The following SLC44A5 variants were observed in gnomAD, a reference collection of about 807,000 sequenced individuals.
The protein encoded by SLC44A5 is choline transporter-like protein 5.
Under a neutral mutation model 101.8 loss-of-function variants are expected in SLC44A5, and 57 were observed. The observed-to-expected ratio is 0.56, with a 90% CI of 0.45 to 0.70. SLC44A5 has a LOEUF of 0.70. Ranked by LOEUF, SLC44A5 falls within the 30% of genes least tolerant of loss-of-function variation. SLC44A5 has a pLI of 0.00. For missense variants in SLC44A5, 737 were observed against 853.1 expected, an observed-to-expected ratio of 0.86 and a Z score of 1.70; for synonymous variants, 281 against 290.9, an observed-to-expected ratio of 0.97 and a Z score of 0.35.
intron 2 of SLC44A5, among the ~76,000 whole-genome samples, chr1:75,424,101 G>C (rs1314713814): frequency 6.6e-6 from 1 of 152,154 alleles, no homozygotes; most frequent in Non-Finnish European, 1.5e-5. Flanking sequence ...CTTAAAGATT[G>C]TGGATAATTA....
chr1:75,462,302 G>A (rs553007445), intron 2 of SLC44A5, among the ~76,000 whole-genome samples: 38 of 152,302 alleles, frequency 2.5e-4, no homozygotes, highest in African/African-American at 8.4e-4. Flanking sequence ...ACCTCTACAC[G>A]TCTGCAAGAA....
rs531381915 is a variant in SLC44A5, at chr1:75,452,094, G to C, written c.14-55473C>G. 4.6e-5 allele frequency among the ~76,000 whole-genome samples: 7 copies of C among 152,220 alleles called. No homozygotes were observed. The South Asian group carries it at 1.2e-3, about 27-fold the overall frequency. ...AAAACAAACCCCACAAAGGTATATA[G>C]TCACCAGACTGTCAAAGGTCAATGC... On this transcript the variant is annotated intron_variant, in intron 2 of 23. Transcript: ENST00000370859.
At chr1:75,652,933 G>C in the SLC44A5 span, among the ~76,000 whole-genome samples, 16 of 152,158 alleles carry the variant, frequency 1.1e-4, no homozygotes, top group South Asian at 2.1e-4. Flanking sequence ...GGACAATTCT[G>C]ATATGAAATT....
chr1:75,355,530 A>T (rs899943466), intron 3 of SLC44A5, among the ~76,000 whole-genome samples: 2 of 152,234 alleles, frequency 1.3e-5, no homozygotes, highest in Non-Finnish European at 2.9e-5. Flanking sequence ...TTACTGTTAC[A>T]TATTAAGTGA....
chr1:75,339,658 C>A, intron 3 of SLC44A5, 28 bp from the exon 4 acceptor site: 1 of 1,575,488 alleles, frequency 6.3e-7, no homozygotes, highest in Non-Finnish European at 8.6e-7. Flanking sequence ...ACATTTTAAG[C>A]ATATAAGCCA....
intron 1 of SLC44A5, among the ~76,000 whole-genome samples, chr1:75,600,077 C>G (rs1212312758): frequency 6.6e-6 from 1 of 152,066 alleles, no homozygotes; most frequent in African/African-American, 2.4e-5. Context: ...CAGAGGTGGT[C>G]TAATCCATAT....
At chr1:75,278,103 T>C (rs923966913) in intron 5 of SLC44A5, among the ~76,000 whole-genome samples, 2 of 152,126 alleles carry the variant, frequency 1.3e-5, no homozygotes, top group Non-Finnish European at 2.9e-5. Context: ...AAATGGCTTC[T>C]CCAAATTGGG....
At chr1:75,419,520 A>C (rs1001765784) in intron 2 of SLC44A5, among the ~76,000 whole-genome samples, 1 of 151,812 alleles carries the variant, frequency 6.6e-6, no homozygotes, top group Non-Finnish European at 1.5e-5. Context: ...GGAAAAAAAA[A>C]CTTTCAAAAA....
chr1:75,461,282 G>T (rs1666481447), intron 2 of SLC44A5, among the ~76,000 whole-genome samples: 1 of 152,064 alleles, frequency 6.6e-6, no homozygotes, highest in South Asian at 2.1e-4. Flanking sequence ...TTTTAAAATT[G>T]TTCCCTAACC....
chr1:75,409,121 C>G (rs186725176), intron 2 of SLC44A5, among the ~76,000 whole-genome samples: 1 of 152,082 alleles, frequency 6.6e-6, no homozygotes, highest in Non-Finnish European at 1.5e-5. Context: ...TATAAATGGA[C>G]GCTTAACAAT....
Position 75,531,561 on chromosome 1 carries a change from C to T in SLC44A5, c.13+9874G>A, listed in dbSNP as rs150325466. Among the ~76,000 whole-genome samples, 521 of 152,286 alleles carry T rather than the reference C, an allele frequency of 3.4e-3. 1 individual carries two copies. Among genetic ancestry groups the T allele is most frequent in the Non-Finnish European group, 5.2e-3 (357 of 68,018 alleles). On this transcript the variant is annotated intron_variant, in intron 2 of 23. Coordinates refer to ENST00000370859, the MANE Select transcript of SLC44A5 (RefSeq NM_001130058.2). ...AAACATAGATTCTGATTCAGTAGGT[C>T]TAAGGTGGGCTCTGAGAGTTGGGGT...
chr1:75,532,622 T>C (rs898940249), intron 2 of SLC44A5, among the ~76,000 whole-genome samples: 5 of 152,242 alleles, frequency 3.3e-5, no homozygotes, highest in African/African-American at 1.2e-4. Context: ...ATTGTTGCTT[T>C]CTTTACTATC....
At chr1:75,632,552 C>A in the SLC44A5 span, among the ~76,000 whole-genome samples, 1 of 152,286 alleles carries the variant, frequency 6.6e-6, no homozygotes, top group East Asian at 1.9e-4. Context: ...CCTCTGCTGA[C>A]CATTCTAGAA....
chr1:75,235,374 A>G (rs1647981866), intron 11 of SLC44A5, among the ~76,000 whole-genome samples: 1 of 151,982 alleles, frequency 6.6e-6, no homozygotes, highest in South Asian at 2.1e-4. Flanking sequence ...GCCTGGGTGG[A>G]GAGGGTTTCA....
In SLC44A5 at chr1:75,237,113, C is replaced by T. The variant is rs1413888258; in HGVS notation, c.657-43G>A. The T allele has an allele frequency of 7.6e-6, 9 of 1,177,090 alleles. 1 individual carries two copies. Among genetic ancestry groups the T allele is most frequent in the South Asian group, 2.6e-5 (2 of 76,326 alleles). The allele number at this position is 1,177,090 out of a possible 1,614,324, so 72.9% of individuals were successfully genotyped here. A position where few individuals can be genotyped will look rare whatever the true frequency, so the allele number is the denominator to read the frequency against. ...AAAAAATCAATTATTTTTTGATGAC[C>T]ACTAAACAGAAATGTTCTTTTTATG... On this transcript the variant is annotated intron_variant, in intron 10 of 23. Coordinates refer to ENST00000370859, the MANE Select transcript of SLC44A5 (RefSeq NM_001130058.2).
chr1:75,282,122 CA>C (rs1652650399), intron 5 of SLC44A5, among the ~76,000 whole-genome samples: 1 of 152,220 alleles, frequency 6.6e-6, no homozygotes, highest in African/African-American at 2.4e-5. Flanking sequence ...TGCCAAGTCA[CA>C]GGGGTGGAGC....
the SLC44A5 span, among the ~76,000 whole-genome samples, chr1:75,707,419 C>T: frequency 0.044 from 6,707 of 152,194 alleles, 202 homozygotes; most frequent in African/African-American, 0.092. Flanking sequence ...GATGATCAAA[C>T]GTCAGTTCCT....
the SLC44A5 span, among the ~76,000 whole-genome samples, chr1:75,625,167 T>C: frequency 6.6e-6 from 1 of 152,168 alleles, no homozygotes; most frequent in Admixed American, 6.5e-5. Flanking sequence ...ACTTTTCATA[T>C]GGTGGGACTT....
chr1:75,701,877 A>G, the SLC44A5 span, among the ~76,000 whole-genome samples: 2 of 152,158 alleles, frequency 1.3e-5, no homozygotes, highest in Non-Finnish European at 2.9e-5. Flanking sequence ...ACAAACAGAG[A>G]GCCAAATCAT....
Sources: gnomAD v4.1 joint callset for allele counts (sites outside exome capture counted in the v4.1 genomes callset) on GRCh38, gnomAD v4.1.1 for gene constraint, MANE v1.5 for transcripts, NCBI Gene and HGNC (gene_info 2026-07-23, HGNC 2026-07-21) for gene names.